The following MYO6 variants were observed in gnomAD, a reference collection of about 807,000 sequenced individuals.
The protein encoded by MYO6 is myosin VI.
Under a neutral mutation model 178.7 loss-of-function variants are expected in MYO6, and 74 were observed. That is an observed-to-expected ratio of 0.41 (90% CI 0.34 to 0.50). The LOEUF is 0.50. Ranked by LOEUF, MYO6 falls within the 20% of genes least tolerant of loss-of-function variation. The pLI is 0.09. For missense variants in MYO6, 1,330 were observed against 1,547.4 expected, an observed-to-expected ratio of 0.86 and a Z score of 2.36; for synonymous variants, 477 against 504.6, an observed-to-expected ratio of 0.95 and a Z score of 0.73.
At chr6:75,751,344 A>G (rs552729761) in intron 1 of MYO6, among the ~76,000 whole-genome samples, 7 of 152,308 alleles carry the variant, frequency 4.6e-5, no homozygotes, top group African/African-American at 1.7e-4. Flanking sequence ...TTTTGTTTTC[A>G]GAAACCATTG....
At position 75,880,815 on chromosome 6, in the gene MYO6, G is replaced by A. The variant is rs563030555; in HGVS notation, c.2286+695G>A. ...TTTTTGACATTCTTAATATTATAGT[G>A]GGTTATTTGGTAAAGGATTGAAATC... On this transcript the variant is annotated intron_variant, in intron 22 of 34. Coordinates refer to ENST00000369977, the MANE Select transcript of MYO6 (RefSeq NM_004999.4). 2.6e-5 allele frequency among the ~76,000 whole-genome samples: 4 copies of A among 152,252 alleles called. No individual in the cohort carries two copies. The South Asian group carries it at 8.3e-4, about 32-fold the overall frequency.
intron 1 of MYO6, among the ~76,000 whole-genome samples, chr6:75,784,180 C>G (rs755646467): frequency 6.6e-6 from 1 of 151,700 alleles, no homozygotes; most frequent in Non-Finnish European, 1.5e-5. Flanking sequence ...ACCGTGTTAG[C>G]CAGGATGGTC....
chr6:75,817,589 T>C lies in MYO6; in HGVS notation c.42T>C (p.Asp14=), dbSNP rs778778227. 1 of 1,614,216 alleles carries C rather than the reference T, an allele frequency of 6.2e-7. No individual in the cohort carries two copies. Among genetic ancestry groups the C allele is most frequent in the East Asian group, 2.2e-5 (1 of 44,880 alleles). The change falls in exon 2 of 35, where the codon GAT becomes GAC. Residue 14 remains aspartate (D), a synonymous_variant. Transcript: ENST00000369977. ...CCGTTTGGGCGCCACACCCTACAGATGGATTTCAGATGGGCAATATTGTGG... is the reference window on the plus strand; with the variant it reads ...CCGTTTGGGCGCCACACCCTACAGACGGATTTCAGATGGGCAATATTGTGG... ...GKPVWAPHPT[D]GFQMGNIVDI...
intron 4 of MYO6, 49 bp from the exon 5 acceptor site, chr6:75,830,367 A>G (rs763117482): frequency 2.6e-5 from 41 of 1,549,032 alleles, no homozygotes; most frequent in South Asian, 2.5e-4. Flanking sequence ...TTTATCTTTA[A>G]ATGAAAATAG....
chr6:75,808,293 A>C (rs1770306288), intron 1 of MYO6, among the ~76,000 whole-genome samples: 1 of 152,194 alleles, frequency 6.6e-6, no homozygotes, highest in East Asian at 1.9e-4. Context: ...TGATAAGAGC[A>C]CTTTTCCTGG....
intron 1 of MYO6, among the ~76,000 whole-genome samples, chr6:75,757,324 A>C (rs1777529011): frequency 6.7e-6 from 1 of 149,360 alleles, no homozygotes; most frequent in Non-Finnish European, 1.5e-5. Flanking sequence ...ATACATATAG[A>C]ACATATATAC....
At chr6:75,787,722 CTCTCTCTCTATATATATATATATA>C (rs1767773620) in intron 1 of MYO6, among the ~76,000 whole-genome samples, 2 of 29,104 alleles carry the variant, frequency 6.9e-5, no homozygotes, top group Non-Finnish European at 1.3e-4. Context: ...CTCTCTCTCT[CTCTCTCTCTATATATATATATATA>C]TATATATATA....
Position 75,839,794 on chromosome 6 carries a change from G to C in MYO6, c.554-791G>C, listed in dbSNP as rs146251579. On this transcript the variant is annotated intron_variant, in intron 7 of 34. Coordinates refer to ENST00000369977, the MANE Select transcript of MYO6 (RefSeq NM_004999.4). Reference sequence around the variant, plus strand: ...ACTCTTAATTTGTTAAATTTCACTGGATATACATGTAAAAATGTTAAATAT... The same window carrying C: ...ACTCTTAATTTGTTAAATTTCACTGCATATACATGTAAAAATGTTAAATAT... 3.0e-3 allele frequency among the ~76,000 whole-genome samples: 463 copies of C among 152,044 alleles called. 5 individuals carry two copies. Among genetic ancestry groups the C allele is most frequent in the African/African-American group, 0.011 (440 of 41,466 alleles).
At position 75,817,545 on chromosome 6, in the gene MYO6, A is replaced by G. The variant is rs770215374; in HGVS notation, c.-3A>G. 4.3e-6 allele frequency: 7 copies of G among 1,612,464 alleles called. No homozygotes were observed. The highest frequency in any genetic ancestry group is 4.0e-5 in the African/African-American group (3 of 74,906). On this transcript the variant is annotated 5_prime_UTR_variant, in exon 2 of 35. Coordinates refer to ENST00000369977, the MANE Select transcript of MYO6 (RefSeq NM_004999.4). ...ACAGGAGATCGTGGATCCTCCTTCA[A>G]AAATGGAGGATGGAAAGCCCGTTTG...
intron 1 of MYO6, among the ~76,000 whole-genome samples, chr6:75,789,269 C>T (rs1739861388): frequency 6.6e-6 from 1 of 152,156 alleles, no homozygotes; most frequent in Admixed American, 6.5e-5. Context: ...TAAGTAATGA[C>T]ACATCATCAA....
At chr6:75,880,451 C>T (rs1777920485) in intron 22 of MYO6, among the ~76,000 whole-genome samples, 1 of 152,040 alleles carries the variant, frequency 6.6e-6, no homozygotes, top group South Asian at 2.1e-4. Flanking sequence ...TAAAATACAC[C>T]AACACTAATG....
At chr6:75,776,144 T>C (rs933582182) in intron 1 of MYO6, among the ~76,000 whole-genome samples, 2 of 152,246 alleles carry the variant, frequency 1.3e-5, no homozygotes, top group African/African-American at 4.8e-5. Flanking sequence ...CGCTTGATTT[T>C]ATTCTTGTGT....
At position 75,890,125 on chromosome 6, in the gene MYO6, C is replaced by A. The variant is rs780718514; in HGVS notation, c.2727C>A (p.Leu909=). The change falls in exon 26 of 35, where the codon CTC becomes CTA. Residue 909 remains leucine, a synonymous_variant. Transcript: ENST00000369977. ...YDALVKSSEE[L]LSALQKKKQQ... Reference sequence around the variant, plus strand: ...CACTGGTTAAAAGCTCAGAGGAACTCCTCAGTGCATTACAGAAAAAAAAAC... The same window carrying A: ...CACTGGTTAAAAGCTCAGAGGAACTACTCAGTGCATTACAGAAAAAAAAAC... 3.7e-6 allele frequency: 6 copies of A among 1,613,358 alleles called. No homozygotes were observed. The highest frequency in any genetic ancestry group is 1.7e-5 in the Admixed American group (1 of 59,946).
At chr6:75,756,912 CACATATATAT>C (rs1562113017) in intron 1 of MYO6, among the ~76,000 whole-genome samples, 2 of 93,546 alleles carry the variant, frequency 2.1e-5, no homozygotes, top group African/African-American at 8.1e-5. Flanking sequence ...TATATATATA[CACATATATAT>C]ACACACCATA....
rs1034378176 is a variant in MYO6 at position 75,749,253 on chromosome 6, G to T, written c.-218G>T. 6.6e-6 allele frequency: 1 copy of T among 151,486 alleles called. No homozygotes were observed. Among genetic ancestry groups the T allele is most frequent in the African/African-American group, 2.4e-5 (1 of 41,396 alleles). 9.4% of individuals were successfully genotyped at this position (151,486 alleles called of 1,614,324 possible). On this transcript the variant is annotated 5_prime_UTR_variant, in exon 1 of 35. Coordinates refer to ENST00000369977, the MANE Select transcript of MYO6 (RefSeq NM_004999.4). ...GGCCGGCGGGCGGAGACCGACTCGG[G>T]ATCTGTCCGAGCAGGAAGCCAGCCT...
At chr6:75,849,216 T>C (rs1775023906) in intron 11 of MYO6, among the ~76,000 whole-genome samples, 1 of 152,244 alleles carries the variant, frequency 6.6e-6, no homozygotes, top group Admixed American at 6.5e-5. Flanking sequence ...ATGTGTGGTC[T>C]ATACCAGCTT....
At chr6:75,755,701 T>G (rs1036399363) in intron 1 of MYO6, among the ~76,000 whole-genome samples, 6 of 152,210 alleles carry the variant, frequency 3.9e-5, no homozygotes, top group African/African-American at 1.4e-4. Context: ...AAGAACTGTG[T>G]GTGCGTCTGT....
At position 75,886,993 on chromosome 6, in the gene MYO6, A is replaced by C. The variant is rs2094335785; in HGVS notation, c.2657A>C (p.Lys886Thr). The C allele has an allele frequency of 3.1e-6, 5 of 1,611,986 alleles. No individual in the cohort carries two copies. The highest frequency in any genetic ancestry group is 1.3e-5 in the African/African-American group (1 of 74,902). ...ISIDTLMAKI[K>T]STMMTQEQIQ... is the part of the protein sequence containing the mutation. Reference sequence around the variant, plus strand: ...ATTGATACTTTGATGGCCAAAATTAAGGTATGTAATTTCAACCCGAATGAC... The same window carrying C: ...ATTGATACTTTGATGGCCAAAATTACGGTATGTAATTTCAACCCGAATGAC... Residue 886 changes from lysine to threonine, a missense_variant and splice_region_variant, in exon 25 of 35, where the codon AAG (lysine) becomes ACG (threonine). Transcript: ENST00000369977.
At chr6:75,766,714 A>T (rs1460928189) in intron 1 of MYO6, among the ~76,000 whole-genome samples, 1 of 152,204 alleles carries the variant, frequency 6.6e-6, no homozygotes, top group Non-Finnish European at 1.5e-5. Context: ...TAAAGTTCCA[A>T]ATAAAGGACA....
Sources: allele counts gnomAD v4.1 joint callset (sites outside exome capture counted in the v4.1 genomes callset), GRCh38; gene constraint gnomAD v4.1.1; transcripts MANE v1.5; gene names NCBI Gene and HGNC (gene_info 2026-07-23, HGNC 2026-07-21).